Variants in NSD3 observed in about 807,000 individuals in gnomAD.
NSD3 encodes nuclear receptor binding SET domain protein 3, also known as histone-lysine N-methyltransferase NSD3.
A neutral mutation model predicts 160.8 loss-of-function variants in NSD3; 24 were observed. The ratio of observed to expected loss-of-function variants is 0.15; its 90% CI spans 0.11 to 0.21. The LOEUF (loss-of-function observed/expected upper bound fraction) is 0.21. Among genes scored for constraint, NSD3 ranks in the 10% least tolerant of loss-of-function variants. The pLI is 1.00. For synonymous variants in NSD3, 520 were observed against 600.0 expected (o/e 0.87, Z 1.95); for missense variants, 1,157 against 1,735.9 (o/e 0.67, Z 5.93).
At chr8:38,310,065 T>G (rs907451468) in intron 12 of NSD3, among the ~76,000 whole-genome samples, 7 of 152,194 alleles carry the variant, frequency 4.6e-5, no homozygotes, top group African/African-American at 1.4e-4. Context: ...AACATAAAAT[T>G]TAACACTTTA....
At chr8:38,373,058 A>T (rs1299836457) in intron 1 of NSD3, among the ~76,000 whole-genome samples, 2 of 151,768 alleles carry the variant, frequency 1.3e-5, no homozygotes, top group Non-Finnish European at 2.9e-5. Flanking sequence ...TCAAAAAAAA[A>T]AAAAAGAAAG....
intron 1 of NSD3, 130 bp from the exon 2 acceptor site, chr8:38,348,345 T>C: frequency 1.6e-6 from 1 of 613,782 alleles, no homozygotes; most frequent in Non-Finnish European, 2.6e-6. Context: ...AGACATTAAA[T>C]ATTTCTAAAA....
Position 38,339,152 on chromosome 8 carries a change from C to CA in NSD3, c.676-546dup, listed in dbSNP as rs796533713. 3.2e-3 allele frequency among the ~76,000 whole-genome samples: 423 copies of CA among 130,742 alleles called. 1 individual carries two copies. Among genetic ancestry groups the CA allele is most frequent in the Non-Finnish European group, 5.2e-3 (308 of 59,362 alleles). 85.8% of individuals were successfully genotyped at this position (130,742 alleles called of 152,430 possible). On this transcript the variant is annotated intron_variant, in intron 2 of 23. Transcript: ENST00000317025. ...GAGACTCTGTCTCAAAAAAAAAAAA[C>CA]AAAAAAAAAACCCACTTAATTTCTA...
At chr8:38,299,301 G>T in intron 15 of NSD3, 143 bp downstream of exon 15, 1 of 777,896 alleles carries the variant, frequency 1.3e-6, no homozygotes, top group Non-Finnish European at 1.9e-6. Context: ...GCAGCCATAT[G>T]AAGAAACAGT....
intron 1 of NSD3, among the ~76,000 whole-genome samples, chr8:38,361,730 G>A (rs1188960640): frequency 2.0e-5 from 3 of 147,164 alleles, no homozygotes; most frequent in African/African-American, 7.5e-5. Context: ...GCTCCAGCCT[G>A]GGCTACAGAG....
At chr8:38,281,639 C>T in intron 19 of NSD3, 56 bp from the exon 20 acceptor site, 1 of 1,179,784 alleles carries the variant, frequency 8.5e-7, no homozygotes, top group Non-Finnish European at 1.2e-6. Flanking sequence ...TAAAGCATTG[C>T]TTAATGACAC....
intron 2 of NSD3, among the ~76,000 whole-genome samples, chr8:38,339,599 G>A (rs1038268503): frequency 1.3e-4 from 19 of 151,888 alleles, no homozygotes; most frequent in African/African-American, 4.1e-4. Flanking sequence ...GGTGGTGTGC[G>A]CCTGTAGTCC....
intron 16 of NSD3, among the ~76,000 whole-genome samples, chr8:38,294,549 A>G (rs373523443): frequency 5.7e-4 from 87 of 152,270 alleles, no homozygotes; most frequent in African/African-American, 1.7e-3. Flanking sequence ...TTAAATTCTA[A>G]AAAGTTTTCT....
chr8:38,326,958 A>C (rs1809927410), intron 6 of NSD3, 102 bp from the exon 7 acceptor site: 6 of 1,292,380 alleles, frequency 4.6e-6, no homozygotes, highest in East Asian at 2.6e-5. Context: ...AATTTGCTTA[A>C]ATTTTATATG....
chr8:38,343,818 T>G (rs996527040), intron 2 of NSD3, among the ~76,000 whole-genome samples: 11 of 152,216 alleles, frequency 7.2e-5, no homozygotes, highest in African/African-American at 2.2e-4. Context: ...CCAAACCTGC[T>G]ACCTTAGTGT....
intron 14 of NSD3, among the ~76,000 whole-genome samples, chr8:38,301,600 T>A (rs1809278475): frequency 6.6e-6 from 1 of 152,156 alleles, no homozygotes; most frequent in African/African-American, 2.4e-5. Context: ...AGTTATATAA[T>A]GTTGAAATGA....
intron 12 of NSD3, among the ~76,000 whole-genome samples, chr8:38,312,987 T>C (rs1809569867): frequency 6.6e-6 from 1 of 152,206 alleles, no homozygotes; most frequent in Non-Finnish European, 1.5e-5. Context: ...GGAGCCAGGA[T>C]TACATGCTCT....
At chr8:38,357,118 C>CAAAAAAAAAAAAA (rs966483645) in intron 1 of NSD3, among the ~76,000 whole-genome samples, 3 of 21,318 alleles carry the variant, frequency 1.4e-4, no homozygotes, top group Non-Finnish European at 2.5e-4. Flanking sequence ...GACACCATCT[C>CAAAAAAAAAAAAA]AAAAAAAAAA....
chr8:38,362,271 G>C (rs1163105384), intron 1 of NSD3, among the ~76,000 whole-genome samples: 1 of 36,762 alleles, frequency 2.7e-5, no homozygotes, highest in South Asian at 1.8e-3. Flanking sequence ...GGGGGGGGGG[G>C]GGCACAAGAT....
At chr8:38,374,515 G>C (rs1290422239) in intron 1 of NSD3, among the ~76,000 whole-genome samples, 1 of 152,066 alleles carries the variant, frequency 6.6e-6, no homozygotes, top group Non-Finnish European at 1.5e-5. Flanking sequence ...CCAGCTACTA[G>C]AGAAGCTGAG....
chr8:38,323,057 T>G (rs1284745463), intron 7 of NSD3, among the ~76,000 whole-genome samples: 1 of 152,166 alleles, frequency 6.6e-6, no homozygotes, highest in Middle Eastern at 3.2e-3. Flanking sequence ...TTTTCTTTTC[T>G]TTTCTTTTCT....
chr8:38,296,391 G>A (rs1235155584), intron 15 of NSD3, among the ~76,000 whole-genome samples: 1 of 151,970 alleles, frequency 6.6e-6, no homozygotes, highest in African/African-American at 2.4e-5. Context: ...CAGTGCCATG[G>A]TTAACTAAAT....
At chr8:38,304,805 C>A in intron 13 of NSD3, 48 bp from the exon 14 acceptor site, 1 of 1,536,694 alleles carries the variant, frequency 6.5e-7, no homozygotes, top group South Asian at 1.2e-5. Flanking sequence ...ATCAGCGGGA[C>A]ATAAAAATAA....
chr8:38,374,334 C>A (rs1811335190), intron 1 of NSD3, among the ~76,000 whole-genome samples: 1 of 151,942 alleles, frequency 6.6e-6, no homozygotes, highest in African/African-American at 2.4e-5. Context: ...ATATAACTTA[C>A]ACCAAAATAA....
Sources: gnomAD v4.1 joint callset for allele counts (sites outside exome capture counted in the v4.1 genomes callset) on GRCh38, gnomAD v4.1.1 for gene constraint, MANE v1.5 for transcripts, NCBI Gene and HGNC (gene_info 2026-07-23, HGNC 2026-07-21) for gene names.